Variants in LSM12 observed in about 807,000 individuals in gnomAD.
LSM12 encodes LSM12 homolog.
For missense variants in LSM12, 108 were observed against 238.9 expected (o/e 0.45, Z 3.61); for synonymous variants, 74 against 87.3 (o/e 0.85, Z 0.85).
intron 1 of LSM12, among the ~76,000 whole-genome samples, chr17:44,065,439 TA>T (rs35086714): frequency 0.2 from 22,571 of 113,458 alleles, 3,317 homozygotes; most frequent in East Asian, 0.76. Flanking sequence ...GACTCCATCT[TA>T]AAAAAAAAAA....
chr17:44,041,129 G>A lies in LSM12; in HGVS notation c.259-873C>T, dbSNP rs529737094. Among the ~76,000 whole-genome samples, 6 of 151,130 alleles carry A rather than the reference G, an allele frequency of 4.0e-5. No homozygotes were observed. In the South Asian group the frequency reaches 1.0e-3, roughly 26 times the overall value. On this transcript the variant is annotated intron_variant, in intron 2 of 4. Coordinates refer to ENST00000293406, the MANE Select transcript of LSM12 (RefSeq NM_001371445.1). ...CTACTAAAATTACAAAAATTAGCCG[G>A]GCATGGTGGTGCGTGCCTGTAATCC...
chr17:44,060,070 C>A (rs1335410452), intron 2 of LSM12, among the ~76,000 whole-genome samples: 2 of 152,118 alleles, frequency 1.3e-5, no homozygotes, highest in Non-Finnish European at 2.9e-5. Context: ...GAGGCTGAGG[C>A]AGGAGAATGG....
Position 44,036,146 on chromosome 17 carries a change from G to C in LSM12, c.*62C>G, listed in dbSNP as rs934963333. 5.1e-6 allele frequency: 8 copies of C among 1,558,986 alleles called. No individual in the cohort carries two copies. Among genetic ancestry groups the C allele is most frequent in the Non-Finnish European group, 7.0e-6 (8 of 1,141,944 alleles). ...CCCTTCCCTCCCCCGGCCTGCCTCCGCTGAAGCCACCACCAGCGCCTCCTT... is the reference window on the plus strand; with the variant it reads ...CCCTTCCCTCCCCCGGCCTGCCTCCCCTGAAGCCACCACCAGCGCCTCCTT... On this transcript the variant is annotated 3_prime_UTR_variant, in exon 5 of 5. Transcript: ENST00000293406.
intron 2 of LSM12, among the ~76,000 whole-genome samples, chr17:44,057,960 G>C (rs2049740639): frequency 1.3e-5 from 2 of 151,774 alleles, no homozygotes; most frequent in South Asian, 2.1e-4. Context: ...ATCTGGGCCG[G>C]GCACAGTGGC....
At chr17:44,064,414 C>A (rs1018726769) in intron 1 of LSM12, among the ~76,000 whole-genome samples, 4 of 152,180 alleles carry the variant, frequency 2.6e-5, no homozygotes, top group African/African-American at 9.7e-5. Flanking sequence ...CATTTAAGAG[C>A]CTACTGTATG....
At chr17:44,061,415 T>G (rs1435112227) in intron 2 of LSM12, among the ~76,000 whole-genome samples, 1 of 151,710 alleles carries the variant, frequency 6.6e-6, no homozygotes, top group Non-Finnish European at 1.5e-5. Flanking sequence ...TATACTCTGG[T>G]AGAAGGTATA....
At chr17:44,041,273 TAA>T (rs11302122) in intron 2 of LSM12, among the ~76,000 whole-genome samples, 1 of 110,326 alleles carries the variant, frequency 9.1e-6, no homozygotes, top group African/African-American at 3.3e-5. Context: ...TCTGTCTCTT[TAA>T]AAAAAAAAAA....
At chr17:44,046,082 G>A (rs1190661540) in intron 2 of LSM12, among the ~76,000 whole-genome samples, 1 of 151,112 alleles carries the variant, frequency 6.6e-6, no homozygotes, top group South Asian at 2.1e-4. Context: ...GACTACAGGC[G>A]CCCGCCACCA....
chr17:44,062,852 G>A (rs1043086833), intron 2 of LSM12, among the ~76,000 whole-genome samples: 8 of 151,506 alleles, frequency 5.3e-5, no homozygotes, highest in South Asian at 2.1e-4. Context: ...ATGAAACCCC[G>A]TCTCTACTAA....
intron 3 of LSM12, among the ~76,000 whole-genome samples, chr17:44,039,531 G>A (rs1193440974): frequency 2.7e-5 from 4 of 150,850 alleles, no homozygotes; most frequent in Admixed American, 6.6e-5. Flanking sequence ...ACAGGCGCCC[G>A]CCACCGCGCC....
intron 2 of LSM12, among the ~76,000 whole-genome samples, chr17:44,057,576 A>C (rs1160133944): frequency 6.6e-6 from 1 of 150,414 alleles, no homozygotes; most frequent in Non-Finnish European, 1.5e-5. Flanking sequence ...CCTGGCCAAG[A>C]TGGTGAAACC....
At chr17:44,065,704 C>T (rs1205441212) in intron 1 of LSM12, among the ~76,000 whole-genome samples, 1 of 152,148 alleles carries the variant, frequency 6.6e-6, no homozygotes, top group East Asian at 1.9e-4. Context: ...ATGTGCTGGA[C>T]TGATCAAGGC....
intron 1 of LSM12, 117 bp from the exon 2 acceptor site, chr17:44,064,051 T>C (rs2049835406): frequency 9.0e-7 from 1 of 1,114,786 alleles, no homozygotes; most frequent in Admixed American, 2.5e-5. Flanking sequence ...GCCAGGAGCA[T>C]GAGGGCCTTA....
chr17:44,036,350 G>A (rs757077878), intron 4 of LSM12, 50 bp from the exon 5 acceptor site: 10 of 1,611,136 alleles, frequency 6.2e-6, no homozygotes, highest in Non-Finnish European at 8.5e-6. Context: ...CGGAAGAAAG[G>A]TCTCCCAAAC....
At chr17:44,052,266 A>G (rs1182601768) in intron 2 of LSM12, among the ~76,000 whole-genome samples, 1 of 151,644 alleles carries the variant, frequency 6.6e-6, no homozygotes, top group Non-Finnish European at 1.5e-5. Context: ...ACAACAAAAA[A>G]AAAACCCTGA....
At chr17:44,040,433 G>A in intron 2 of LSM12, 177 bp from the exon 3 acceptor site, 1 of 534,250 alleles carries the variant, frequency 1.9e-6, no homozygotes, top group South Asian at 2.0e-5. Context: ...AACAGTTACT[G>A]GTATTCCAAG....
intron 3 of LSM12, among the ~76,000 whole-genome samples, chr17:44,039,365 CTTTTTTTTTTTTTTTT>C (rs35411238): frequency 5.9e-5 from 3 of 51,056 alleles, no homozygotes; most frequent in Admixed American, 5.5e-4. Flanking sequence ...AACAAAATGT[CTTTTTTTTTTTTTTTT>C]TTTTTTTTTT....
At chr17:44,066,129 G>A (rs908139972) in intron 1 of LSM12, among the ~76,000 whole-genome samples, 1 of 148,900 alleles carries the variant, frequency 6.7e-6, no homozygotes, top group Admixed American at 6.7e-5. Flanking sequence ...CAATCCATCA[G>A]CCCCCTCCCA....
At chr17:44,049,764 A>C (rs2049618353) in intron 2 of LSM12, among the ~76,000 whole-genome samples, 2 of 152,210 alleles carry the variant, frequency 1.3e-5, no homozygotes, top group South Asian at 4.1e-4. Context: ...TGGGGAATCC[A>C]GAGGGATTCC....
Sources: gnomAD v4.1 joint callset for allele counts (sites outside exome capture counted in the v4.1 genomes callset) on GRCh38, gnomAD v4.1.1 for gene constraint, MANE v1.5 for transcripts, NCBI Gene and HGNC (gene_info 2026-07-23, HGNC 2026-07-21) for gene names.